The following ZNF620 variants were observed in gnomAD, a reference collection of about 807,000 sequenced individuals.
ZNF620 encodes zinc finger protein 620.
In ZNF620, 10 loss-of-function variants were observed where a neutral mutation model predicts 13.3. The ratio of observed to expected loss-of-function variants is 0.75; its 90% CI spans 0.46 to 1.28. The LOEUF is 1.28. Among genes scored for constraint, ZNF620 ranks in the 50% most tolerant of loss-of-function variants. The pLI, the probability that ZNF620 is intolerant of heterozygous loss-of-function variation, is 0.00. For missense variants in ZNF620, 461 were observed against 500.2 expected, an observed-to-expected ratio of 0.92 and a Z score of 0.75; for synonymous variants, 166 against 177.6, an observed-to-expected ratio of 0.93 and a Z score of 0.52.
At chr3:40,508,342 C>T (rs1698093841) in intron 2 of ZNF620, among the ~76,000 whole-genome samples, 1 of 151,576 alleles carries the variant, frequency 6.6e-6, no homozygotes, top group South Asian at 2.1e-4. Flanking sequence ...TACATTTCCT[C>T]CCAAGTACCG....
chr3:40,507,385 C>T (rs1698062127), intron 2 of ZNF620, among the ~76,000 whole-genome samples: 1 of 152,166 alleles, frequency 6.6e-6, no homozygotes, highest in African/African-American at 2.4e-5. Flanking sequence ...CCACCGTGCC[C>T]AGCCTCTCTT....
intron 4 of ZNF620, among the ~76,000 whole-genome samples, chr3:40,512,740 G>A (rs949485571): frequency 3.9e-5 from 6 of 152,088 alleles, no homozygotes; most frequent in Non-Finnish European, 8.8e-5. Flanking sequence ...ATTCGTCTTT[G>A]CCTGTCCTCC....
rs1026826569 is a variant in ZNF620, at chr3:40,512,665, C to T, written c.265+150C>T. On this transcript the variant is annotated intron_variant, in intron 4 of 4. Coordinates refer to ENST00000314529, the MANE Select transcript of ZNF620 (RefSeq NM_175888.4). ...TGATTCTCTGAGTTCATGGTGGTAG[C>T]CTACCTCAACTGGGGAAGGGCCAGT... 1.8e-5 allele frequency: 11 copies of T among 615,832 alleles called. No individual in the cohort carries two copies. The African/African-American group carries it at 2.1e-4, about 12-fold the overall frequency. The allele number at this position is 615,832 out of a possible 1,614,324, so 38.1% of individuals were successfully genotyped here.
intron 2 of ZNF620, among the ~76,000 whole-genome samples, chr3:40,508,023 T>C (rs1169274395): frequency 6.6e-6 from 1 of 152,218 alleles, no homozygotes; most frequent in East Asian, 1.9e-4. Context: ...TAATATGTGC[T>C]TATCTTTTAT....
intron 4 of ZNF620, among the ~76,000 whole-genome samples, chr3:40,513,282 T>A (rs1487624309): frequency 1.5e-5 from 2 of 129,070 alleles, no homozygotes; most frequent in African/African-American, 6.2e-5. Flanking sequence ...TTGGCCAACA[T>A]GACGAAACCC....
chr3:40,516,841 A>G lies in ZNF620; in HGVS notation c.1247A>G (p.Gln416Arg), dbSNP rs753492380. Residue 416 changes from glutamine (Q) to arginine (R), a missense_variant, in exon 5 of 5, where the codon CAG becomes CGG. Coordinates refer to ENST00000314529, the MANE Select transcript of ZNF620 (RefSeq NM_175888.4). ...RFILHQKLHT[Q>R]KTPVQA ...ATTCTGCATCAGAAACTACACACTCAGAAGACACCTGTCCAAGCATAGGGC... is the reference window on the plus strand; with the variant it reads ...ATTCTGCATCAGAAACTACACACTCGGAAGACACCTGTCCAAGCATAGGGC... 6.2e-7 allele frequency: 1 copy of G among 1,609,468 alleles called. No homozygotes were observed. Among genetic ancestry groups the G allele is most frequent in the South Asian group, 1.1e-5 (1 of 90,588 alleles).
chr3:40,508,534 C>T (rs911395234), intron 2 of ZNF620: 4 of 252,476 alleles, frequency 1.6e-5, no homozygotes, highest in Admixed American at 1.5e-4. Flanking sequence ...CTTTGTATGA[C>T]TTGAATCATT....
intron 2 of ZNF620, chr3:40,508,823 G>T (rs1186619808): frequency 2.2e-6 from 1 of 455,982 alleles, no homozygotes; most frequent in Non-Finnish European, 4.4e-6. Flanking sequence ...AGACAAGGTT[G>T]CCTAGGCTCT....
rs1698229086 is a variant in ZNF620, at chr3:40,512,428, GT to G, written c.179del (p.Val60AlafsTer40). 6.2e-7 allele frequency: 1 copy of G among 1,614,150 alleles called. No homozygotes were observed. On this transcript the variant is annotated frameshift_variant, in exon 4 of 5. Coordinates refer to ENST00000314529, the MANE Select transcript of ZNF620 (RefSeq NM_175888.4). LOFTEE classifies it high-confidence loss of function. ...LAFPFTTPVL[V>X]SQLEQGELPW... ...ATTCCCATTCACCACGCCTGTTCTG[GT>G]CTCCCAGCTGGAGCAAGGGGAACTG...
At chr3:40,510,796 T>C (rs1026003286) in intron 2 of ZNF620, among the ~76,000 whole-genome samples, 14 of 152,174 alleles carry the variant, frequency 9.2e-5, no homozygotes, top group African/African-American at 3.1e-4. Context: ...TCACCCAGGC[T>C]GGCGTACAGT....
In ZNF620 at chr3:40,516,043, A is replaced by G. The variant is rs765328668; in HGVS notation, c.449A>G (p.His150Arg). 1.9e-5 allele frequency: 31 copies of G among 1,614,072 alleles called. No individual in the cohort carries two copies. Among genetic ancestry groups the G allele is most frequent in the Middle Eastern group, 1.6e-4 (1 of 6,084 alleles). Residue 150 changes from histidine (H) to arginine (R), a missense_variant, in exon 5 of 5, where the codon CAT (histidine) becomes CGT (arginine). Physicochemically the swap from His to Arg is conservative, Grantham distance 29. Transcript: ENST00000314529. ...ATTAAGACAAAGTCAAAGAGGAGAC[A>G]TTTCACAGATACCTCAGCCAGGCAC... ...WIIKTKSKRRHFTDTSARHHE... is the reference protein window; with the variant it reads ...WIIKTKSKRRRFTDTSARHHE...
chr3:40,510,881 C>T (rs1030235889), intron 2 of ZNF620, among the ~76,000 whole-genome samples: 1 of 152,170 alleles, frequency 6.6e-6, no homozygotes, highest in African/African-American at 2.4e-5. Context: ...TCCCAGGTAG[C>T]TGGGACTACA....
chr3:40,517,819 G>A lies in ZNF620; in HGVS notation c.*956G>A, dbSNP rs1308434428. ...ATGGATTCCCTATTGCAGTCCGTAC[G>A]TCAGAAGTCTCCTAAATTCAAAAAC... On this transcript the variant is annotated 3_prime_UTR_variant, in exon 5 of 5. Coordinates refer to ENST00000314529, the MANE Select transcript of ZNF620 (RefSeq NM_175888.4). 4.6e-5 allele frequency: 7 copies of A among 152,206 alleles called. No individual in the cohort carries two copies. Among genetic ancestry groups the A allele is most frequent in the Non-Finnish European group, 8.8e-5 (6 of 68,044 alleles). 9.4% of individuals were successfully genotyped at this position (152,206 alleles called of 1,614,324 possible). A position where few individuals can be genotyped will look rare whatever the true frequency, so the allele number is the denominator to read the frequency against.
At chr3:40,509,556 A>G (rs1698134322) in intron 2 of ZNF620, among the ~76,000 whole-genome samples, 2 of 152,036 alleles carry the variant, frequency 1.3e-5, no homozygotes, top group African/African-American at 4.8e-5. Flanking sequence ...TTTCCATAGG[A>G]TTAATGGTGT....
intron 2 of ZNF620, among the ~76,000 whole-genome samples, chr3:40,507,090 T>TG (rs1491566439): frequency 8.1e-5 from 3 of 37,080 alleles, no homozygotes; most frequent in South Asian, 2.4e-3. Context: ...GACCATATGG[T>TG]TTTTTTTTTT....
In ZNF620 at chr3:40,516,260, G is replaced by A. The variant is rs1290584652; in HGVS notation, c.666G>A (p.Lys222=). Residue 222 remains lysine (K), a synonymous_variant, in exon 5 of 5, where the codon AAG becomes AAA. Transcript: ENST00000314529. The part of the protein sequence containing the change: ...HRHEKCHTGE[K]SFECKECGKY... ...ATGAGAAATGTCACACTGGTGAAAAGTCTTTTGAATGCAAAGAATGTGGAA... is the reference window on the plus strand; with the variant it reads ...ATGAGAAATGTCACACTGGTGAAAAATCTTTTGAATGCAAAGAATGTGGAA... 11 of 1,614,112 alleles carry A rather than the reference G, an allele frequency of 6.8e-6. No individual in the cohort carries two copies. The highest frequency in any genetic ancestry group is 7.6e-6 in the Non-Finnish European group (9 of 1,180,044).
chr3:40,515,780 TTGTGTGTGTGTGTGTGTGTGTGTGTGTG>T, intron 4 of ZNF620, 52 bp from the exon 5 acceptor site: 1 of 940,236 alleles, frequency 1.1e-6, no homozygotes, highest in Non-Finnish European at 1.6e-6. Flanking sequence ...AGCACAGATA[TTGTGTGTGTGTGTGTGTGTGTGTGTGTG>T]TGTGTGTGTG....
rs767846680 is a variant in ZNF620 at position 40,516,194 on chromosome 3, A to G, written c.600A>G (p.Gln200=). 1.9e-6 allele frequency: 3 copies of G among 1,614,014 alleles called. No homozygotes were observed. The highest frequency in any genetic ancestry group is 2.2e-5 in the East Asian group (1 of 44,904). ...PSGQISYECG[Q]CGRYFIQMAD... ...GTCAGATATCTTATGAATGTGGACA[A>G]TGTGGCAGATATTTCATTCAAATGG... Residue 200 remains glutamine (Q), a synonymous_variant, in exon 5 of 5, where the codon CAA becomes CAG. Coordinates refer to ENST00000314529, the MANE Select transcript of ZNF620 (RefSeq NM_175888.4).
intron 4 of ZNF620, among the ~76,000 whole-genome samples, chr3:40,514,505 C>T (rs997905460): frequency 2.0e-5 from 3 of 152,080 alleles, no homozygotes; most frequent in Non-Finnish European, 2.9e-5. Context: ...TTATTTCTAC[C>T]ATCTCTCGTC....
Sources: gnomAD v4.1 joint callset for allele counts (sites outside exome capture counted in the v4.1 genomes callset) on GRCh38, gnomAD v4.1.1 for gene constraint, MANE v1.5 for transcripts, NCBI Gene and HGNC (gene_info 2026-07-23, HGNC 2026-07-21) for gene names.